Variants in IFRD2 observed in about 807,000 individuals in gnomAD.
IFRD2 encodes interferon-related developmental regulator 2.
A neutral mutation model predicts 49.2 loss-of-function variants in IFRD2; 35 were observed. The ratio of observed to expected loss-of-function variants is 0.71; its 90% CI spans 0.54 to 0.94. The LOEUF is 0.94. IFRD2 is among the 40% of genes least tolerant of loss of function. The probability of loss-of-function intolerance (pLI) is 0.00; values close to 1 mark genes in which losing one functional copy is unlikely to be tolerated. For synonymous variants in IFRD2, 275 were observed against 239.7 expected (o/e 1.15, Z -1.36); for missense variants, 561 against 591.6 (o/e 0.95, Z 0.54).
chr3:50,288,328 G>A, intron 11 of IFRD2, 57 bp from the exon 12 acceptor site: 1 of 1,601,552 alleles, frequency 6.2e-7, no homozygotes, highest in East Asian at 2.2e-5. Context: ...AGGGCTGGGG[G>A]TCCTCTTCCG....
In IFRD2 at chr3:50,292,245, G is replaced by C; in HGVS notation, c.30C>G (p.Leu10=). MPRARKGNT[L]RKGGQRRGGG... The stretch of plus-strand genomic sequence containing the variant: ...CTCCACGGCGCTGACCACCCTTCCG[G>C]AGCGTGTTGCCCTTACGGGCGCGAG... Residue 10 remains leucine (L), a synonymous_variant, in exon 1 of 12, where the codon CTC becomes CTG. Coordinates refer to ENST00000417626, the MANE Select transcript of IFRD2 (RefSeq NM_006764.5). The C allele has an allele frequency of 6.6e-7, 1 of 1,516,460 alleles. No individual in the cohort carries two copies. Among genetic ancestry groups the C allele is most frequent in the South Asian group, 1.3e-5 (1 of 77,494 alleles). The allele number at this position is 1,516,460 out of a possible 1,614,324, so 93.9% of individuals were successfully genotyped here. A position where few individuals can be genotyped will look rare whatever the true frequency, so the allele number is the denominator to read the frequency against.
chr3:50,288,869 G>A lies in IFRD2; in HGVS notation c.954C>T (p.Asn318=), dbSNP rs782370407. 1 of 1,613,472 alleles carries A rather than the reference G, an allele frequency of 6.2e-7. No homozygotes were observed. Among genetic ancestry groups the A allele is most frequent in the Non-Finnish European group, 8.5e-7 (1 of 1,179,710 alleles). Residue 318 remains asparagine (N), a synonymous_variant, in exon 9 of 12, where the codon AAC becomes AAT. Coordinates refer to ENST00000417626, the MANE Select transcript of IFRD2 (RefSeq NM_006764.5). ...GACGATCAGCCTTGGCACGGTACTTGTTACTGTCAGTGGCCAGAGTGCGCA... is the reference window on the plus strand; with the variant it reads ...GACGATCAGCCTTGGCACGGTACTTATTACTGTCAGTGGCCAGAGTGCGCA... ...SVLRTLATDS[N]KYRAKADRRR... is the part of the protein sequence containing the mutation.
Position 50,290,060 on chromosome 3 carries a change from C to T in IFRD2, c.415G>A (p.Ala139Thr). 6.2e-7 allele frequency: 1 copy of T among 1,613,804 alleles called. No individual in the cohort carries two copies. Among genetic ancestry groups the T allele is most frequent in the South Asian group, 1.1e-5 (1 of 91,044 alleles). The change falls in exon 5 of 12, where the codon GCT becomes ACT. Residue 139 changes from alanine (A) to threonine (T), a missense_variant. Ala to Thr is a moderately conservative substitution (Grantham distance 58). Coordinates refer to ENST00000417626, the MANE Select transcript of IFRD2 (RefSeq NM_006764.5). The part of the protein sequence containing the change: ...KGKGEEQALA[A>T]AVLGLLCVQL... ...ACGCAGAGCAGGCCTAGCACAGCAG[C>T]AGCCAGGGCTTGTTCCTCGCCCTTC... is the stretch of plus-strand genomic sequence containing the variant.
In IFRD2 at chr3:50,289,963, C is replaced by G; in HGVS notation, c.512G>C (p.Ser171Thr). ...GGCAGCAGGGCTAGCTGTGCTGTCA[C>G]TGAGCACAGAGACCAGCAGAGGCTG... is the stretch of plus-strand genomic sequence containing the variant. ...SLQPLLVSVL[S>T]DSTASPAARL... Residue 171 changes from serine to threonine, a missense_variant, in exon 5 of 12, where the codon AGT becomes ACT. By Grantham distance (58) the Ser-to-Thr change is moderately conservative (BLOSUM62 1). Transcript: ENST00000417626. 6.2e-7 allele frequency: 1 copy of G among 1,613,088 alleles called. No homozygotes were observed. The highest frequency in any genetic ancestry group is 1.1e-5 in the South Asian group (1 of 90,900).
chr3:50,287,826 A>T lies in IFRD2; in HGVS notation c.*365T>A. The T allele has an allele frequency of 3.7e-6, 1 of 268,326 alleles. No homozygotes were observed. Among genetic ancestry groups the T allele is most frequent in the Non-Finnish European group, 7.2e-6 (1 of 139,296 alleles). 16.6% of individuals were successfully genotyped at this position (268,326 alleles called of 1,614,324 possible). ...CCATTCCAGGTAGCTTTGCCACCCC[A>T]CCTGCTGTGGTGGCATTTGTCCAGA... On this transcript the variant is annotated 3_prime_UTR_variant, in exon 12 of 12. Transcript: ENST00000417626.
rs1553709257 is a variant in IFRD2, at chr3:50,289,385, T to C, written c.780-25A>G. 5 of 1,579,032 alleles carry C rather than the reference T, an allele frequency of 3.2e-6. No individual in the cohort carries two copies. The Middle Eastern group carries it at 5.0e-4, about 157-fold the overall frequency. On this transcript the variant is annotated intron_variant, in intron 7 of 11. Transcript: ENST00000417626. ...CCTAGGGAAGGGGCAGGCTGAGCTATATGTGTGGCTTGGGGGCCTCTTTGA... is the reference window on the plus strand; with the variant it reads ...CCTAGGGAAGGGGCAGGCTGAGCTACATGTGTGGCTTGGGGGCCTCTTTGA...
At chr3:50,290,870 C>G (rs1410875687) in intron 1 of IFRD2, among the ~76,000 whole-genome samples, 191 bp from the exon 2 acceptor site, 1 of 152,150 alleles carries the variant, frequency 6.6e-6, no homozygotes, top group Non-Finnish European at 1.5e-5. Context: ...CAAGGGCTGA[C>G]ATTGGCAAGG....
At position 50,290,380 on chromosome 3, in the gene IFRD2, A is replaced by T. The variant is rs377504643; in HGVS notation, c.263+8T>A. 1 of 1,586,790 alleles carries T rather than the reference A, an allele frequency of 6.3e-7. No individual in the cohort carries two copies. The highest frequency in any genetic ancestry group is 1.3e-5 in the African/African-American group (1 of 74,448). On this transcript the variant is annotated splice_region_variant and intron_variant, in intron 3 of 11. Coordinates refer to ENST00000417626, the MANE Select transcript of IFRD2 (RefSeq NM_006764.5). ...TGGGTGTAGGAGTTGGCTGGCAGCC[A>T]GGGGTACCTCTTGTCTGTGAGACAG...
Position 50,292,211 on chromosome 3 carries a change from A to C in IFRD2, c.58+6T>G. 1 of 1,459,640 alleles carries C rather than the reference A, an allele frequency of 6.9e-7. No individual in the cohort carries two copies. The highest frequency in any genetic ancestry group is 9.0e-7 in the Non-Finnish European group (1 of 1,106,936). The allele number at this position is 1,459,640 out of a possible 1,614,324, so 90.4% of individuals were successfully genotyped here. ...ACAGCTGTCCCGCGCCCCCCACCCC[A>C]CTCACCTCCTCCACGGCGCTGACCA... On this transcript the variant is annotated splice_donor_region_variant and intron_variant, in intron 1 of 11. Transcript: ENST00000417626.
At position 50,290,283 on chromosome 3, in the gene IFRD2, C is replaced by T. The variant is rs782708615; in HGVS notation, c.275G>A (p.Arg92Gln). 1.5e-5 allele frequency: 24 copies of T among 1,610,806 alleles called. No homozygotes were observed. The highest frequency in any genetic ancestry group is 1.3e-4 in the Admixed American group (8 of 59,508). The change falls in exon 4 of 12, where the codon CGG (arginine) becomes CAG (glutamine). Residue 92 changes from arginine (R) to glutamine (Q), a missense_variant. Coordinates refer to ENST00000417626, the MANE Select transcript of IFRD2 (RefSeq NM_006764.5). ...GCGCAGGCTCTCAAGAGCACCCTGC[C>T]GGGTCTTGGCACTGGGGGAGGTCGA... ...DCLTDKSAKT[R>Q]QGALESLRLA...
rs1025780292 is a variant in IFRD2, at chr3:50,290,264, G to A, written c.294C>T (p.Ser98=). The A allele has an allele frequency of 1.9e-6, 3 of 1,612,274 alleles. No homozygotes were observed. The highest frequency in any genetic ancestry group is 1.3e-5 in the African/African-American group (1 of 75,046). ...GGCGGGACGCTAGGGCCAGGCGCAG[G>A]CTCTCAAGAGCACCCTGCCGGGTCT... ...SAKTRQGALE[S]LRLALASRLL... is the part of the protein sequence containing the mutation. Residue 98 remains serine, a synonymous_variant, in exon 4 of 12, where the codon AGC becomes AGT. Transcript: ENST00000417626.
At chr3:50,291,856 C>A in intron 1 of IFRD2, 1 of 246,502 alleles carries the variant, frequency 4.1e-6, no homozygotes, top group Non-Finnish European at 7.7e-6. Flanking sequence ...CCGGAGCAGG[C>A]CAGGACTCCC....
intron 8 of IFRD2, 153 bp from the exon 9 acceptor site, chr3:50,289,090 C>T: frequency 8.3e-7 from 1 of 1,209,746 alleles, no homozygotes; most frequent in South Asian, 1.4e-5. Flanking sequence ...GCCAGGACAC[C>T]ACTGCTGAGG....
At position 50,288,605 on chromosome 3, in the gene IFRD2, G is replaced by A. The variant is rs377175190; in HGVS notation, c.1130C>T (p.Ser377Leu). The change falls in exon 10 of 12, where the codon TCG becomes TTG. Residue 377 changes from serine to leucine, a missense_variant. Ser to Leu is a moderately radical substitution (Grantham distance 145). Transcript: ENST00000417626. The stretch of plus-strand genomic sequence containing the variant: ...CACCTGGAGGTGGTGGTGCATGCCC[G>A]AACCCAGCACTTCCTTGAAGGCAGC... Reference protein sequence around the residue: ...IYAAFKEVLGSGMHHHLQNNE... With the variant: ...IYAAFKEVLGLGMHHHLQNNE... 147 of 1,613,806 alleles carry A rather than the reference G, an allele frequency of 9.1e-5. No homozygotes were observed. The highest frequency in any genetic ancestry group is 1.2e-4 in the Non-Finnish European group (138 of 1,179,892).
chr3:50,290,715 T>C (rs1553709676), intron 1 of IFRD2, 36 bp from the exon 2 acceptor site: 3 of 1,606,698 alleles, frequency 1.9e-6, no homozygotes, highest in Non-Finnish European at 2.6e-6. Flanking sequence ...AACTTGCCTC[T>C]ACTGATGAGG....
chr3:50,292,349 C>G lies in IFRD2; in HGVS notation c.-75G>C. 12 of 1,566,844 alleles carry G rather than the reference C, an allele frequency of 7.7e-6. No individual in the cohort carries two copies. Among genetic ancestry groups the G allele is most frequent in the Non-Finnish European group, 1.0e-5 (12 of 1,160,226 alleles). On this transcript the variant is annotated 5_prime_UTR_variant, in exon 1 of 12. Transcript: ENST00000417626. ...GGCTCCAGGCCAACGAGACGCCGGC[C>G]GGTGCGCTGCGCTGAGACTTGGCCA...
At chr3:50,289,112 G>A (rs1701618366) in intron 8 of IFRD2, 143 bp downstream of exon 8, 8 of 1,150,026 alleles carry the variant, frequency 7.0e-6, no homozygotes, top group Non-Finnish European at 1.0e-5. Flanking sequence ...CACCCATCAT[G>A]ACATCTAGGA....
Position 50,290,214 on chromosome 3 carries a change from C to G in IFRD2, c.344G>C (p.Arg115Pro), listed in dbSNP as rs782097253. ...SRLLPDFLLE[R>P]RLTLADALEK... is the part of the protein sequence containing the mutation. Reference sequence around the variant, plus strand: ...CAGGGCATCGGCTAGCGTGAGGCGGCGCTCCAGCAAGAAGTCGGGGAGTAG... The same window carrying G: ...CAGGGCATCGGCTAGCGTGAGGCGGGGCTCCAGCAAGAAGTCGGGGAGTAG... Residue 115 changes from arginine (R) to proline (P), a missense_variant, in exon 4 of 12, where the codon CGC becomes CCC. Physicochemically the swap from Arg to Pro is moderately radical, Grantham distance 103. Coordinates refer to ENST00000417626, the MANE Select transcript of IFRD2 (RefSeq NM_006764.5). 4.3e-6 allele frequency: 7 copies of G among 1,613,600 alleles called. No individual in the cohort carries two copies. The Admixed American group carries it at 1.2e-4, about 27-fold the overall frequency.
Position 50,290,126 on chromosome 3 carries a change from A to G in IFRD2, c.389-40T>C, listed in dbSNP as rs1553709529. On this transcript the variant is annotated intron_variant, in intron 4 of 11. Transcript: ENST00000417626. ...CCAGTCAGCCCATGCAGCAAGGGCC[A>G]GTGTCTGCCCAGTTTAAGTCTCCCA... 4 of 1,612,520 alleles carry G rather than the reference A, an allele frequency of 2.5e-6. No homozygotes were observed. The East Asian group carries it at 8.9e-5, about 36-fold the overall frequency.
Sources: gnomAD v4.1 joint callset for allele counts (sites outside exome capture counted in the v4.1 genomes callset) on GRCh38, gnomAD v4.1.1 for gene constraint, MANE v1.5 for transcripts, NCBI Gene and HGNC (gene_info 2026-07-23, HGNC 2026-07-21) for gene names.